Variants in USP42 observed in about 807,000 individuals in gnomAD.
USP42 encodes the protein ubiquitin carboxyl-terminal hydrolase 42.
A neutral mutation model predicts 113.0 loss-of-function variants in USP42; 23 were observed. The ratio of observed to expected loss-of-function variants is 0.20; its 90% confidence interval spans 0.15 to 0.29. USP42 has a LOEUF of 0.29. Ranked by LOEUF, USP42 falls within the 10% of genes least tolerant of loss-of-function variation. The probability of loss-of-function intolerance (pLI) is 1.00; values close to 1 mark genes in which losing one functional copy is unlikely to be tolerated. For synonymous variants in USP42, 933 were observed against 699.0 expected (o/e 1.33, Z -5.28); for missense variants, 2,174 against 1,779.8 (o/e 1.22, Z -3.99).
Position 6,157,096 on chromosome 7 carries a change from TC to T in USP42, c.3943+42del. 2 of 1,512,760 alleles carry T rather than the reference TC, an allele frequency of 1.3e-6. No homozygotes were observed. The highest frequency in any genetic ancestry group is 1.8e-6 in the Non-Finnish European group (2 of 1,135,596). The allele number at this position is 1,512,760 out of a possible 1,614,324, so 93.7% of individuals were successfully genotyped here. A position where few individuals can be genotyped will look rare whatever the true frequency, so the allele number is the denominator to read the frequency against. ...TGGAATTAGGAAGATAGAAACTATT[TC>T]TTAATACATTTTCTTTGCAAAGGTG... On this transcript the variant is annotated intron_variant, in intron 16 of 17. Coordinates refer to ENST00000306177, the MANE Select transcript of USP42 (RefSeq NM_032172.3). The surrounding 1 kb of genome is among the most constrained non-coding windows in gnomAD (Gnocchi z 4.1).
chr7:6,086,671 C>A, the USP42 span, among the ~76,000 whole-genome samples: 1 of 147,572 alleles, frequency 6.8e-6, no homozygotes, highest in Non-Finnish European at 1.5e-5. Context: ...TCCCTTCCCC[C>A]TTCCCTTCCC....
At chr7:6,147,697 G>A (rs369085339) in intron 11 of USP42, 42 bp from the exon 12 acceptor site, 2 of 1,527,984 alleles carry the variant, frequency 1.3e-6, no homozygotes, top group Admixed American at 4.1e-5. Flanking sequence ...CTCCTAAGGA[G>A]GTGTCCTGTG....
chr7:6,141,278 C>G (rs1370387108), intron 7 of USP42, among the ~76,000 whole-genome samples: 1 of 147,618 alleles, frequency 6.8e-6, no homozygotes, highest in Non-Finnish European at 1.5e-5. Flanking sequence ...TCTCGGCTCA[C>G]TGCAACCTCC....
At chr7:6,082,063 T>G in the USP42 span, among the ~76,000 whole-genome samples, 1 of 152,064 alleles carries the variant, frequency 6.6e-6, no homozygotes, top group African/African-American at 2.4e-5. Flanking sequence ...TATTTGTATG[T>G]GTAAATATAC....
Position 6,154,858 on chromosome 7 carries a change from G to A in USP42, c.3304G>A (p.Gly1102Ser). 6 of 1,529,612 alleles carry A rather than the reference G, an allele frequency of 3.9e-6. No homozygotes were observed. The highest frequency in any genetic ancestry group is 2.5e-5 in the East Asian group (1 of 39,760). The allele number at this position is 1,529,612 out of a possible 1,614,324, so 94.8% of individuals were successfully genotyped here. The change falls in exon 15 of 18, where the codon GGC (glycine) becomes AGC (serine). Residue 1102 changes from glycine (G) to serine (S), a missense_variant. Transcript: ENST00000306177. Reference sequence around the variant, plus strand: ...CAAGGACCACAACCGGGGCCGTAGGGGCTGCGAGCCGGCCCGGGAGAGGGA... The same window carrying A: ...CAAGGACCACAACCGGGGCCGTAGGAGCTGCGAGCCGGCCCGGGAGAGGGA... Reference protein sequence around the residue: ...PHKDHNRGRRGCEPARERERH... With the variant: ...PHKDHNRGRRSCEPARERERH...
At chr7:6,117,230 A>G (rs970725182) in intron 3 of USP42, among the ~76,000 whole-genome samples, 1 of 152,030 alleles carries the variant, frequency 6.6e-6, no homozygotes, top group African/African-American at 2.4e-5. Flanking sequence ...GCAACCACTG[A>G]TCTGCTTTCC....
chr7:6,125,856 T>C (rs1053877854), intron 3 of USP42, among the ~76,000 whole-genome samples: 2 of 152,168 alleles, frequency 1.3e-5, no homozygotes, highest in African/African-American at 4.8e-5. Context: ...TATTTTGCTT[T>C]TTTTAAAAAA....
At chr7:6,090,753 T>C in the USP42 span, among the ~76,000 whole-genome samples, 1 of 145,836 alleles carries the variant, frequency 6.9e-6, no homozygotes, top group African/African-American at 2.6e-5. Context: ...ATATATATTA[T>C]ATACTATATA....
chr7:6,092,326 C>T, the USP42 span, among the ~76,000 whole-genome samples: 2 of 149,594 alleles, frequency 1.3e-5, no homozygotes, highest in Non-Finnish European at 1.5e-5. Context: ...TTATAGGCAC[C>T]TCCCACCACA....
chr7:6,108,504 C>T (rs1779415707), intron 1 of USP42, among the ~76,000 whole-genome samples: 1 of 152,152 alleles, frequency 6.6e-6, no homozygotes, highest in Non-Finnish European at 1.5e-5. Flanking sequence ...CTTTTAAAGA[C>T]AGAGTCTCGC....
At chr7:6,137,473 C>G (rs1281460943) in intron 4 of USP42, among the ~76,000 whole-genome samples, 1 of 152,136 alleles carries the variant, frequency 6.6e-6, no homozygotes, top group African/African-American at 2.4e-5. Context: ...ATTCTTCTGC[C>G]TCAGCCTCCC....
chr7:6,145,487 A>G (rs1452855426), intron 9 of USP42, 29 bp from the exon 10 acceptor site: 1 of 1,613,544 alleles, frequency 6.2e-7, no homozygotes, highest in Non-Finnish European at 8.5e-7. Context: ...GCCCTCGGAA[A>G]TGTTTCTCCT....
chr7:6,117,048 T>C (rs1779951873), intron 3 of USP42: 2 of 330,994 alleles, frequency 6.0e-6, no homozygotes, highest in Admixed American at 9.6e-5. Context: ...GTATAATTGA[T>C]ATATACCAAA....
chr7:6,088,382 A>T, the USP42 span, among the ~76,000 whole-genome samples: 105 of 150,986 alleles, frequency 7.0e-4, 9 homozygotes, highest in African/African-American at 2.5e-3. Context: ...CAGCCTCCCA[A>T]GTAGCTGGGA....
the USP42 span, among the ~76,000 whole-genome samples, chr7:6,089,398 C>T: frequency 1.1e-4 from 16 of 150,676 alleles, no homozygotes; most frequent in Admixed American, 9.2e-4. Flanking sequence ...GAGTTTCTTT[C>T]AGGCCAGCAA....
chr7:6,147,976 C>T, intron 12 of USP42, 84 bp downstream of exon 12: 4 of 1,354,608 alleles, frequency 3.0e-6, no homozygotes, highest in African/African-American at 2.9e-5. Context: ...GTAGTGGTTG[C>T]TGTGTCCTCA....
At chr7:6,081,450 C>T in the USP42 span, among the ~76,000 whole-genome samples, 1 of 152,188 alleles carries the variant, frequency 6.6e-6, no homozygotes, top group African/African-American at 2.4e-5. Context: ...ACTCGTCCGC[C>T]GGACAGCCAA....
At position 6,111,378 on chromosome 7, in the gene USP42, C is replaced by T. The variant is rs781246103; in HGVS notation, c.241+4C>T. On this transcript the variant is annotated splice_donor_region_variant and intron_variant, in intron 2 of 17. Coordinates refer to ENST00000306177, the MANE Select transcript of USP42 (RefSeq NM_032172.3). ...CCATCACCACAAAAGGATCAAGGTACTGTTTTTCAAAAGAGAGAATTACCG... is the reference window on the plus strand; with the variant it reads ...CCATCACCACAAAAGGATCAAGGTATTGTTTTTCAAAAGAGAGAATTACCG... 1.2e-6 allele frequency: 2 copies of T among 1,606,952 alleles called. No homozygotes were observed. Among genetic ancestry groups the T allele is most frequent in the South Asian group, 1.1e-5 (1 of 90,554 alleles).
At chr7:6,137,711 A>ACT (rs896252531) in intron 4 of USP42, among the ~76,000 whole-genome samples, 39 of 150,090 alleles carry the variant, frequency 2.6e-4, no homozygotes, top group African/African-American at 9.3e-4. Flanking sequence ...ATGGAGTCTC[A>ACT]CTCTGTCGCC....
Sources: allele counts gnomAD v4.1 joint callset (sites outside exome capture counted in the v4.1 genomes callset), GRCh38; gene constraint gnomAD v4.1.1; non-coding constraint Gnocchi (gnomAD v3.1); transcripts MANE v1.5; gene names NCBI Gene and HGNC (gene_info 2026-07-23, HGNC 2026-07-21).